The following DTNA variants were observed in gnomAD, a reference collection of about 807,000 sequenced individuals.
The protein encoded by DTNA is dystrobrevin alpha.
In DTNA, 43 loss-of-function variants were observed where a neutral mutation model predicts 100.7. That is an observed-to-expected ratio of 0.43 (90% CI 0.33 to 0.55). DTNA has a LOEUF of 0.55. Ranked by LOEUF, DTNA falls within the 20% of genes least tolerant of loss-of-function variation. The pLI is 0.04. For synonymous variants in DTNA, 349 were observed against 347.9 expected (o/e 1.00, Z -0.04); for missense variants, 798 against 953.9 (o/e 0.84, Z 2.15).
At chr18:34,862,705 G>A (rs557144856) in intron 16 of DTNA, among the ~76,000 whole-genome samples, 142 of 152,190 alleles carry the variant, frequency 9.3e-4, no homozygotes, top group African/African-American at 3.0e-3. Flanking sequence ...GAGGCTGATG[G>A]CGGAGGACTG....
At chr18:34,867,192 C>T in intron 17 of DTNA, 1 of 1,231,266 alleles carries the variant, frequency 8.1e-7, no homozygotes, top group Non-Finnish European at 1.0e-6. Context: ...ATGCTCTTTT[C>T]TATTATTCAT....
chr18:34,756,657 C>T (rs571875063), intron 2 of DTNA, among the ~76,000 whole-genome samples: 4 of 152,230 alleles, frequency 2.6e-5, no homozygotes, highest in Admixed American at 6.5e-5. Context: ...GGAAACCAAA[C>T]TAAGTTACTG....
At chr18:34,572,653 G>A (rs955869771) in intron 1 of DTNA, among the ~76,000 whole-genome samples, 2 of 152,008 alleles carry the variant, frequency 1.3e-5, no homozygotes, top group East Asian at 1.9e-4. Flanking sequence ...TCAGGTTCCC[G>A]TTTCCTCTTG....
chr18:34,875,173 G>A (rs922514234), intron 17 of DTNA, 66 bp from the exon 18 acceptor site: 5 of 1,588,066 alleles, frequency 3.1e-6, no homozygotes, highest in Non-Finnish European at 3.4e-6. Flanking sequence ...AATCAACTGA[G>A]GCATTGGGGA....
chr18:34,708,977 C>T (rs560700440), upstream of DTNA, among the ~76,000 whole-genome samples: 9 of 152,250 alleles, frequency 5.9e-5, no homozygotes, highest in African/African-American at 2.2e-4. Flanking sequence ...GATTTCAAAT[C>T]CGCATCTGCT....
intron 1 of DTNA, among the ~76,000 whole-genome samples, chr18:34,572,680 A>G (rs1232942877): frequency 6.6e-6 from 1 of 152,032 alleles, no homozygotes; most frequent in Non-Finnish European, 1.5e-5. Flanking sequence ...GCAGAGTCTA[A>G]TCTAGGTATA....
At chr18:34,581,955 A>G (rs1478905775) in intron 1 of DTNA, among the ~76,000 whole-genome samples, 1 of 152,178 alleles carries the variant, frequency 6.6e-6, no homozygotes, top group Non-Finnish European at 1.5e-5. Context: ...CTGAGGCACA[A>G]ATACAAAGAG....
chr18:34,574,494 G>A (rs1395217237), intron 1 of DTNA: 2 of 152,440 alleles, frequency 1.3e-5, no homozygotes, highest in Non-Finnish European at 2.9e-5. Context: ...CCTTCTTAGA[G>A]TCACAGTGAG....
chr18:34,506,468 A>G (rs2040504306), intron 1 of DTNA, among the ~76,000 whole-genome samples: 2 of 152,188 alleles, frequency 1.3e-5, no homozygotes, highest in African/African-American at 4.8e-5. Flanking sequence ...CTTGGCAAGG[A>G]TGGAAGTGTA....
intron 1 of DTNA, among the ~76,000 whole-genome samples, chr18:34,512,175 C>T (rs1175208277): frequency 6.6e-6 from 1 of 151,886 alleles, no homozygotes; most frequent in African/African-American, 2.4e-5. Context: ...TAGGTTTAGG[C>T]AATGGAGTTG....
At chr18:34,717,874 T>C (rs2084370343) in intron 1 of DTNA, among the ~76,000 whole-genome samples, 1 of 152,138 alleles carries the variant, frequency 6.6e-6, no homozygotes, top group Admixed American at 6.5e-5. Context: ...AATGTAATAA[T>C]GGCAGCAGCA....
At chr18:34,835,991 T>C (rs1293081642) in intron 11 of DTNA, among the ~76,000 whole-genome samples, 1 of 152,194 alleles carries the variant, frequency 6.6e-6, no homozygotes, top group African/African-American at 2.4e-5. Context: ...ACACAGTGTT[T>C]TGAATGGTTT....
At chr18:34,671,983 T>C (rs1378620537) in intron 1 of DTNA, among the ~76,000 whole-genome samples, 1 of 152,218 alleles carries the variant, frequency 6.6e-6, no homozygotes, top group African/African-American at 2.4e-5. Context: ...TTTTAAAAGC[T>C]AGTTAGACTA....
chr18:34,797,766 T>C (rs2095043128), intron 4 of DTNA, among the ~76,000 whole-genome samples: 1 of 152,210 alleles, frequency 6.6e-6, no homozygotes, highest in African/African-American at 2.4e-5. Context: ...CTTTCGCCTG[T>C]CATGGTCAAG....
At chr18:34,638,705 A>G (rs2058921789) in intron 1 of DTNA, among the ~76,000 whole-genome samples, 1 of 152,162 alleles carries the variant, frequency 6.6e-6, no homozygotes, top group Non-Finnish European at 1.5e-5. Context: ...AATTAGAAAA[A>G]TATGATACTC....
intron 1 of DTNA, among the ~76,000 whole-genome samples, chr18:34,748,611 G>T (rs1266450169): frequency 2.0e-5 from 3 of 152,096 alleles, no homozygotes; most frequent in African/African-American, 7.2e-5. Context: ...AGATCAGTTT[G>T]CTGTAAGTTT....
rs1191764539 is a variant in DTNA at position 34,888,756 on chromosome 18, G to T, written c.*1022G>T. 1.0e-6 allele frequency: 1 copy of T among 985,750 alleles called. No homozygotes were observed. Among genetic ancestry groups the T allele is most frequent in the East Asian group, 1.1e-4 (1 of 8,828 alleles). 61.1% of individuals were successfully genotyped at this position (985,750 alleles called of 1,614,324 possible). ...CTCTCGTTTTGGCTTTAGGAAGCAT[G>T]TCTTTAACAGCACCGCTCGTTCACA... On this transcript the variant is annotated 3_prime_UTR_variant, in exon 23 of 23. Coordinates refer to ENST00000444659, the MANE Select transcript of DTNA (RefSeq NM_001386795.1).
In DTNA at chr18:34,765,686, G is replaced by A. The variant is rs112431079; in HGVS notation, c.68-275G>A. On this transcript the variant is annotated intron_variant, in intron 2 of 22. Transcript: ENST00000444659. ...GAGCAGACTGTTTTCAGAAGTGGTG[G>A]ACACAACAGGGATGACATTGTGTTT... 1.4e-3 allele frequency among the ~76,000 whole-genome samples: 209 copies of A among 152,260 alleles called. 1 individual carries two copies. The highest frequency in any genetic ancestry group is 4.8e-3 in the African/African-American group (199 of 41,564).
At chr18:34,781,729 T>C (rs1324436701) in intron 3 of DTNA, among the ~76,000 whole-genome samples, 2 of 152,252 alleles carry the variant, frequency 1.3e-5, no homozygotes, top group Non-Finnish European at 2.9e-5. Flanking sequence ...AAGTGGATTT[T>C]CTGTTATTTA....
Sources: allele counts gnomAD v4.1 joint callset (sites outside exome capture counted in the v4.1 genomes callset), GRCh38; gene constraint gnomAD v4.1.1; transcripts MANE v1.5; gene names NCBI Gene and HGNC (gene_info 2026-07-23, HGNC 2026-07-21).